Variants in SLC30A8 observed in about 807,000 individuals in gnomAD.
SLC30A8 encodes proton-coupled zinc antiporter SLC30A8.
In SLC30A8, 27 loss-of-function variants were observed where a neutral mutation model predicts 36.9. That is an observed-to-expected ratio of 0.73 (90% confidence interval 0.54 to 1.01). SLC30A8 has a LOEUF of 1.01. Ranked by LOEUF, SLC30A8 falls within the 50% of genes least tolerant of loss-of-function variation. SLC30A8 has a pLI of 0.00. For synonymous variants in SLC30A8, 164 were observed against 172.4 expected (o/e 0.95, Z 0.38); for missense variants, 439 against 452.0 (o/e 0.97, Z 0.26).
chr8:117,084,371 A>G (rs11989800), intron 2 of SLC30A8, among the ~76,000 whole-genome samples: 6 of 151,948 alleles, frequency 3.9e-5, no homozygotes, highest in Admixed American at 2.6e-4. Context: ...TGTTCCTGAG[A>G]AGTACATGTG....
At chr8:117,042,625 C>T (rs1484007626) in intron 2 of SLC30A8, among the ~76,000 whole-genome samples, 1 of 151,238 alleles carries the variant, frequency 6.6e-6, no homozygotes, top group Non-Finnish European at 1.5e-5. Context: ...CCTGCTGAGA[C>T]TTGGAATAGG....
At chr8:116,989,503 GTAAAT>G (rs1563736876) in intron 1 of SLC30A8, among the ~76,000 whole-genome samples, 1 of 152,064 alleles carries the variant, frequency 6.6e-6, no homozygotes, top group East Asian at 1.9e-4. Context: ...ATTCAGTTAA[GTAAAT>G]TAAACAATTT....
intron 2 of SLC30A8, among the ~76,000 whole-genome samples, chr8:117,123,672 G>A (rs1476645548): frequency 6.6e-5 from 10 of 151,926 alleles, no homozygotes; most frequent in South Asian, 2.1e-4. Flanking sequence ...TAAAGTTCAC[G>A]TAAGTGTATA....
intron 2 of SLC30A8, among the ~76,000 whole-genome samples, chr8:117,061,481 GA>G (rs1270218733): frequency 3.9e-5 from 6 of 152,184 alleles, no homozygotes; most frequent in African/African-American, 1.2e-4. Flanking sequence ...ATGAACATGT[GA>G]AATAAAGATC....
chr8:117,080,634 G>A (rs1241020308), intron 2 of SLC30A8, among the ~76,000 whole-genome samples: 1 of 152,188 alleles, frequency 6.6e-6, no homozygotes, highest in African/African-American at 2.4e-5. Context: ...ATGGCCTCCA[G>A]CTGCATCCAT....
chr8:117,150,779 A>ATATT (rs780183090), intron 2 of SLC30A8, among the ~76,000 whole-genome samples: 68 of 151,670 alleles, frequency 4.5e-4, no homozygotes, highest in African/African-American at 1.6e-3. Context: ...CTAATTTTTC[A>ATATT]TATTTTTAGT....
At chr8:117,151,331 C>T (rs1337157148) in intron 2 of SLC30A8, among the ~76,000 whole-genome samples, 1 of 152,086 alleles carries the variant, frequency 6.6e-6, no homozygotes, top group Non-Finnish European at 1.5e-5. Flanking sequence ...ATACCCAATC[C>T]CTGGTACCAT....
In SLC30A8 at chr8:117,157,838, A is replaced by G; in HGVS notation, c.566A>G (p.Asn189Ser). Residue 189 changes from asparagine to serine, a missense_variant, in exon 4 of 8, where the codon AAC becomes AGC. Physicochemically the swap from Asn to Ser is conservative, Grantham distance 46. Transcript: ENST00000456015. ...IIVSSCAVAA[N>S]IVLTVVLHQR... Reference sequence around the variant, plus strand: ...GTTTCCAGCTGCGCAGTGGCGGCCAACATTGTGTAAGTCATCCCCTGGTCC... The same window carrying G: ...GTTTCCAGCTGCGCAGTGGCGGCCAGCATTGTGTAAGTCATCCCCTGGTCC... 1 of 1,614,008 alleles carries G rather than the reference A, an allele frequency of 6.2e-7. No homozygotes were observed. The highest frequency in any genetic ancestry group is 8.5e-7 in the Non-Finnish European group (1 of 1,179,950).
chr8:117,172,858 T>G lies in SLC30A8; in HGVS notation c.*177T>G, dbSNP rs1413542499. 1.4e-6 allele frequency: 1 copy of G among 690,980 alleles called. No individual in the cohort carries two copies. Among genetic ancestry groups the G allele is most frequent in the East Asian group, 2.7e-5 (1 of 37,380 alleles). The allele number at this position is 690,980 out of a possible 1,614,324, so 42.8% of individuals were successfully genotyped here. On this transcript the variant is annotated 3_prime_UTR_variant, in exon 8 of 8. Transcript: ENST00000456015. ...ATGAAGGAAGAGGCACTGAGATCCA[T>G]CAATCAATTGGATTATATACTGATC...
intron 1 of SLC30A8, among the ~76,000 whole-genome samples, chr8:117,028,442 C>G (rs990175961): frequency 6.6e-6 from 1 of 152,128 alleles, no homozygotes; most frequent in African/African-American, 2.4e-5. Flanking sequence ...GGGACAGTCT[C>G]TAGACCTCAG....
intron 2 of SLC30A8, among the ~76,000 whole-genome samples, chr8:117,082,609 T>A (rs1477250450): frequency 6.6e-6 from 1 of 152,024 alleles, no homozygotes; most frequent in Non-Finnish European, 1.5e-5. Context: ...AGTAGACAAT[T>A]TGAAAAGAAG....
At chr8:116,995,233 G>A (rs1815775690) in intron 1 of SLC30A8, among the ~76,000 whole-genome samples, 1 of 152,012 alleles carries the variant, frequency 6.6e-6, no homozygotes, top group Non-Finnish European at 1.5e-5. Context: ...ATGCATCTTT[G>A]CTTGAAAAGT....
chr8:117,034,967 G>A (rs184725792), intron 1 of SLC30A8, among the ~76,000 whole-genome samples: 33 of 152,226 alleles, frequency 2.2e-4, no homozygotes, highest in Middle Eastern at 3.4e-3. Flanking sequence ...CATGAGAACA[G>A]CATGGGGGAA....
chr8:117,020,957 G>A (rs1288533167), intron 1 of SLC30A8, among the ~76,000 whole-genome samples: 1 of 152,148 alleles, frequency 6.6e-6, no homozygotes, highest in Non-Finnish European at 1.5e-5. Context: ...AAAGAAGATG[G>A]AGAAAAGGGA....
intron 1 of SLC30A8, among the ~76,000 whole-genome samples, chr8:116,954,846 T>G (rs1259658086): frequency 6.6e-6 from 1 of 152,108 alleles, no homozygotes; most frequent in East Asian, 1.9e-4. Context: ...AGATCAATGA[T>G]GTAAATAAGA....
At position 116,993,217 on chromosome 8, in the gene SLC30A8, A is replaced by G. The variant is rs139191494; in HGVS notation, c.-266+42098A>G. ...AGAAGCTCTGCAGTGCTAGAGAGGCAGAGTTTGGAGTTGGGATCCAGGCAA... is the reference window on the plus strand; with the variant it reads ...AGAAGCTCTGCAGTGCTAGAGAGGCGGAGTTTGGAGTTGGGATCCAGGCAA... On this transcript the variant is annotated intron_variant, in intron 1 of 10. Coordinates refer to the SLC30A8 transcript ENST00000427715. Among the ~76,000 whole-genome samples, 307 of 151,334 alleles carry G rather than the reference A, an allele frequency of 2.0e-3. 2 individuals are homozygous for G. Among genetic ancestry groups the G allele is most frequent in the African/African-American group, 7.3e-3 (298 of 40,682 alleles).
chr8:117,136,004 A>C (rs1208339762), intron 1 of SLC30A8, among the ~76,000 whole-genome samples: 1 of 151,960 alleles, frequency 6.6e-6, no homozygotes, highest in Non-Finnish European at 1.5e-5. Flanking sequence ...TTATAATGAG[A>C]AAGAAAAAAA....
At position 117,135,146 on chromosome 8, in the gene SLC30A8, G is replaced by C; in HGVS notation, c.-182G>C. ...ATGAAGCCAGGTAATATTGCAAGGA[G>C]GCTGTAATTTTAGCAGACCTACCAA... On this transcript the variant is annotated 5_prime_UTR_variant, in exon 1 of 8. Coordinates refer to ENST00000456015, the MANE Select transcript of SLC30A8 (RefSeq NM_173851.3). 2.3e-6 allele frequency: 1 copy of C among 432,754 alleles called. No homozygotes were observed. Among genetic ancestry groups the C allele is most frequent in the East Asian group, 3.4e-5 (1 of 29,804 alleles). The allele number at this position is 432,754 out of a possible 1,614,324, so 26.8% of individuals were successfully genotyped here. A position where few individuals can be genotyped will look rare whatever the true frequency, so the allele number is the denominator to read the frequency against.
chr8:116,993,197 C>T (rs1420871635), intron 1 of SLC30A8, among the ~76,000 whole-genome samples: 1 of 151,160 alleles, frequency 6.6e-6, no homozygotes, highest in African/African-American at 2.5e-5. Flanking sequence ...ATTATAGAAG[C>T]TCTGCAGTGC....
Sources: allele counts gnomAD v4.1 joint callset (sites outside exome capture counted in the v4.1 genomes callset), GRCh38; gene constraint gnomAD v4.1.1; transcripts MANE v1.5; gene names NCBI Gene and HGNC (gene_info 2026-07-23, HGNC 2026-07-21).